Variants in GSE1 observed in about 807,000 individuals in gnomAD.
GSE1 encodes the protein Gse1 coiled-coil protein.
Under a neutral mutation model 112.6 loss-of-function variants are expected in GSE1, and 32 were observed. That is an observed-to-expected ratio of 0.28 (90% CI 0.21 to 0.38). The LOEUF (loss-of-function observed/expected upper bound fraction) is 0.38. Among genes scored for constraint, GSE1 ranks in the 10% least tolerant of loss-of-function variants. The pLI is 1.00. For synonymous variants in GSE1, 1,115 were observed against 735.6 expected, an observed-to-expected ratio of 1.52 and a Z score of -8.35; for missense variants, 2,348 against 1,699.2, an observed-to-expected ratio of 1.38 and a Z score of -6.71.
At chr16:85,488,208 C>T (rs575815782) in intron 2 of GSE1, among the ~76,000 whole-genome samples, 7 of 152,146 alleles carry the variant, frequency 4.6e-5, no homozygotes, top group Non-Finnish European at 1.0e-4. Flanking sequence ...GCTGCCTCAT[C>T]TTCTTCTTGG....
intron 1 of GSE1, among the ~76,000 whole-genome samples, chr16:85,220,637 C>T: frequency 7.1e-6 from 1 of 140,272 alleles, no homozygotes; most frequent in South Asian, 2.2e-4. Context: ...CTGCCCGCTG[C>T]TGCCCGCTTG....
intron 2 of GSE1, among the ~76,000 whole-genome samples, chr16:85,495,451 T>A (rs551924823): frequency 9.8e-4 from 147 of 150,484 alleles, no homozygotes; most frequent in Admixed American, 3.9e-3. Flanking sequence ...ATTTATTTAT[T>A]TATTTATTTA....
At chr16:85,218,090 T>G (rs962157292) in intron 1 of GSE1, among the ~76,000 whole-genome samples, 1 of 152,006 alleles carries the variant, frequency 6.6e-6, no homozygotes, top group Non-Finnish European at 1.5e-5. Context: ...TTAGTAGAGA[T>G]GGGGTTTCAC....
At chr16:85,210,961 G>T (rs557734568) in intron 1 of GSE1, among the ~76,000 whole-genome samples, 1 of 152,216 alleles carries the variant, frequency 6.6e-6, no homozygotes. Flanking sequence ...TCTGTAAGAT[G>T]ATCTTTGGGC....
intron 1 of GSE1, among the ~76,000 whole-genome samples, chr16:85,212,871 T>C (rs979653355): frequency 5.9e-5 from 9 of 152,120 alleles, no homozygotes; most frequent in African/African-American, 1.7e-4. Flanking sequence ...CTTGTGCCTG[T>C]AATCCCAGCA....
intron 1 of GSE1, among the ~76,000 whole-genome samples, chr16:85,201,886 G>A (rs909806722): frequency 2.0e-5 from 3 of 152,334 alleles, no homozygotes; most frequent in African/African-American, 4.8e-5. Flanking sequence ...AGGGCCTCCT[G>A]GATTTCAGAA....
rs759430740 is a variant in GSE1, at chr16:85,634,243, C to T, written c.226+111C>T. 1.2e-4 allele frequency: 93 copies of T among 748,844 alleles called. No homozygotes were observed. In the Middle Eastern group the frequency reaches 1.6e-3, roughly 13 times the overall value. The allele number at this position is 748,844 out of a possible 1,614,324, so 46.4% of individuals were successfully genotyped here. On this transcript the variant is annotated intron_variant, in intron 2 of 15. Coordinates refer to ENST00000253458, the MANE Select transcript of GSE1 (RefSeq NM_014615.5). Reference sequence around the variant, plus strand: ...ACAGCAGGTCTCGTCTTTCCCACGCCGTGTGCTCTGCATGGAGCAGGCAGT... The same window carrying T: ...ACAGCAGGTCTCGTCTTTCCCACGCTGTGTGCTCTGCATGGAGCAGGCAGT...
chr16:85,609,832 T>C (rs1282865937), upstream of GSE1, among the ~76,000 whole-genome samples: 1 of 152,102 alleles, frequency 6.6e-6, no homozygotes, highest in African/African-American at 2.4e-5. Context: ...TTTTTTTTTG[T>C]TTTTAATAGA....
chr16:85,201,653 A>G (rs1332340461), intron 1 of GSE1, among the ~76,000 whole-genome samples: 2 of 150,330 alleles, frequency 1.3e-5, no homozygotes, highest in South Asian at 2.1e-4. Context: ...CTCCGTCTCA[A>G]AAAAAAAAAC....
At chr16:85,641,039 C>G (rs2050402473) in intron 2 of GSE1, among the ~76,000 whole-genome samples, 4 of 152,250 alleles carry the variant, frequency 2.6e-5, no homozygotes, top group Admixed American at 2.6e-4. Context: ...GAGCCCAGTA[C>G]TTGGCGTGTC....
chr16:85,173,800 A>T (rs1332891177), intron 1 of GSE1, among the ~76,000 whole-genome samples: 1 of 152,214 alleles, frequency 6.6e-6, no homozygotes, highest in African/African-American at 2.4e-5. Context: ...AGTGGACAGT[A>T]GTCTGGTGTG....
intron 1 of GSE1, among the ~76,000 whole-genome samples, chr16:85,307,830 C>A (rs538457371): frequency 2.0e-5 from 3 of 152,214 alleles, no homozygotes; most frequent in Middle Eastern, 3.2e-3. Context: ...AAGACACTCT[C>A]ATCAGGCGGG....
chr16:85,208,841 G>C (rs1169924735), intron 1 of GSE1, among the ~76,000 whole-genome samples: 1 of 107,356 alleles, frequency 9.3e-6, no homozygotes, highest in African/African-American at 3.2e-5. Flanking sequence ...CTGTGTTGGC[G>C]TTCGCCTGTG....
At chr16:85,613,110 G>C, upstream of GSE1, 1 of 973,546 alleles carries the variant, frequency 1.0e-6, no homozygotes, top group Non-Finnish European at 1.4e-6. Context: ...GCGCGCGCGC[G>C]CGCCTGTGTG....
At chr16:85,403,009 C>A (rs2048152742) in intron 2 of GSE1, among the ~76,000 whole-genome samples, 1 of 152,086 alleles carries the variant, frequency 6.6e-6, no homozygotes, top group Non-Finnish European at 1.5e-5. Context: ...TCCAGCTTAG[C>A]CGGGCCTCCT....
upstream of GSE1, among the ~76,000 whole-genome samples, chr16:85,553,160 C>G: frequency 6.7e-6 from 1 of 149,130 alleles, no homozygotes; most frequent in East Asian, 2.0e-4. Context: ...CCCAGGGGCA[C>G]AGATCATGCA....
chr16:85,254,438 C>T (rs1906848224), intron 1 of GSE1, among the ~76,000 whole-genome samples: 1 of 152,204 alleles, frequency 6.6e-6, no homozygotes, highest in South Asian at 2.1e-4. Context: ...AGCAGGTACT[C>T]AGCACATATG....
At chr16:85,669,707 ATTC>A (rs1193294946) in intron 14 of GSE1, among the ~76,000 whole-genome samples, 1 of 151,962 alleles carries the variant, frequency 6.6e-6, no homozygotes, top group African/African-American at 2.4e-5. Context: ...CTGTCAGGCT[ATTC>A]TTCTGTATTT....
chr16:85,264,666 C>T (rs1409263617), intron 1 of GSE1, among the ~76,000 whole-genome samples: 1 of 152,146 alleles, frequency 6.6e-6, no homozygotes, highest in Non-Finnish European at 1.5e-5. Flanking sequence ...TGGGCAGTCC[C>T]TGGTGCTTGT....
Sources: allele counts gnomAD v4.1 joint callset (sites outside exome capture counted in the v4.1 genomes callset), GRCh38; gene constraint gnomAD v4.1.1; transcripts MANE v1.5; gene names NCBI Gene and HGNC (gene_info 2026-07-23, HGNC 2026-07-21).